The following LRCH3 variants were observed in gnomAD, a reference collection of about 807,000 sequenced individuals.
LRCH3 encodes DISP complex protein LRCH3.
In LRCH3, 68 loss-of-function variants were observed where a neutral mutation model predicts 104.5. The observed-to-expected ratio is 0.65, with a 90% CI of 0.54 to 0.80. LRCH3 has a LOEUF of 0.80. Ranked by LOEUF, LRCH3 falls within the 30% of genes least tolerant of loss-of-function variation. The pLI is 0.00. For missense variants in LRCH3, 951 were observed against 953.9 expected (o/e 1.00, Z 0.04); for synonymous variants, 344 against 361.3 (o/e 0.95, Z 0.54).
chr3:197,868,204 GA>G (rs1553926241), intron 17 of LRCH3, among the ~76,000 whole-genome samples: 3 of 152,102 alleles, frequency 2.0e-5, no homozygotes, highest in Non-Finnish European at 4.4e-5. Context: ...GTCATGGACA[GA>G]AAAATCTTCA....
At chr3:197,871,141 C>G (rs946447603) in intron 18 of LRCH3, among the ~76,000 whole-genome samples, 184 bp from the exon 19 acceptor site, 2 of 151,866 alleles carry the variant, frequency 1.3e-5, no homozygotes, top group African/African-American at 4.8e-5. Context: ...ACCACTATGC[C>G]CTGGCTGCCG....
chr3:197,842,608 C>G (rs1737969077), intron 10 of LRCH3, among the ~76,000 whole-genome samples: 1 of 152,112 alleles, frequency 6.6e-6, no homozygotes, highest in African/African-American at 2.4e-5. Flanking sequence ...CCAACACATA[C>G]ATTTCTTCCC....
chr3:197,847,561 C>T (rs1467749787), intron 11 of LRCH3, 101 bp downstream of exon 11: 1 of 971,052 alleles, frequency 1.0e-6, no homozygotes, highest in Non-Finnish European at 1.6e-6. Flanking sequence ...TATATTTAAG[C>T]ATTACTAGCT....
Position 197,843,248 on chromosome 3 carries a change from C to T in LRCH3, c.1328+3851C>T, listed in dbSNP as rs184504929. The stretch of plus-strand genomic sequence containing the variant: ...ATAAAACCTGGAAGTTTTTTTGTTT[C>T]ATGTTATATAGACACAGCCAGAAAA... On this transcript the variant is annotated intron_variant, in intron 10 of 20. Transcript: ENST00000425562. Among the ~76,000 whole-genome samples the T allele has an allele frequency of 2.0e-3, 310 of 151,948 alleles. 1 individual carries two copies. The highest frequency in any genetic ancestry group is 6.9e-3 in the African/African-American group (288 of 41,498).
chr3:197,807,481 A>G (rs916270917), intron 1 of LRCH3, among the ~76,000 whole-genome samples: 1 of 152,100 alleles, frequency 6.6e-6, no homozygotes, highest in African/African-American at 2.4e-5. Context: ...TTGGCCTCCC[A>G]AAGTGCTGAG....
intron 12 of LRCH3, among the ~76,000 whole-genome samples, chr3:197,851,707 A>G (rs78110111): frequency 0.024 from 3,703 of 152,308 alleles, 80 homozygotes; most frequent in East Asian, 0.06. Context: ...TAATACTAGT[A>G]TGGTAGATGC....
At chr3:197,876,831 CCG>C (rs1437657206) in intron 20 of LRCH3, among the ~76,000 whole-genome samples, 1 of 138,314 alleles carries the variant, frequency 7.2e-6, no homozygotes, top group Non-Finnish European at 1.6e-5. Context: ...ACCCAACTCA[CCG>C]CACCCATGGC....
intron 10 of LRCH3, among the ~76,000 whole-genome samples, chr3:197,842,550 AGCTT>A (rs1359799196): frequency 6.6e-6 from 1 of 152,142 alleles, no homozygotes; most frequent in Non-Finnish European, 1.5e-5. Context: ...TGAAAAGGAA[AGCTT>A]GCTTACCCGT....
In LRCH3 at chr3:197,857,836, A is replaced by G. The variant is rs191667416; in HGVS notation, c.1645-998A>G. 1.5e-3 allele frequency among the ~76,000 whole-genome samples: 236 copies of G among 152,366 alleles called. 1 individual carries two copies. The highest frequency in any genetic ancestry group is 4.9e-3 in the Admixed American group (75 of 15,298). On this transcript the variant is annotated intron_variant, in intron 14 of 20. Coordinates refer to ENST00000425562, the MANE Select transcript of LRCH3 (RefSeq NM_001365715.1). The stretch of plus-strand genomic sequence containing the variant: ...CCTTAAGATAGATTTTGTGATACAT[A>G]TAATACATTGTGTGTTACATGCTGC...
At position 197,879,457 on chromosome 3, in the gene LRCH3, T is replaced by C. The variant is rs184728368; in HGVS notation, c.2208+3682T>C. ...GTCAGGAGATCGAGACCATCCTGGCTAACATGGTGAAACCCCGTCTCTACT... is the reference window on the plus strand; with the variant it reads ...GTCAGGAGATCGAGACCATCCTGGCCAACATGGTGAAACCCCGTCTCTACT... On this transcript the variant is annotated intron_variant, in intron 20 of 20. Coordinates refer to ENST00000425562, the MANE Select transcript of LRCH3 (RefSeq NM_001365715.1). 2.2e-3 allele frequency among the ~76,000 whole-genome samples: 337 copies of C among 150,010 alleles called. 3 individuals are homozygous for C. The highest frequency in any genetic ancestry group is 6.8e-3 in the African/African-American group (270 of 39,850).
intron 4 of LRCH3, among the ~76,000 whole-genome samples, chr3:197,820,666 CA>C (rs776681398): frequency 1.3e-5 from 2 of 152,090 alleles, no homozygotes; most frequent in Non-Finnish European, 2.9e-5. Flanking sequence ...CAAATTAGCC[CA>C]GGGGGCTGGC....
At chr3:197,872,360 GAAA>G (rs56254857) in intron 19 of LRCH3, among the ~76,000 whole-genome samples, 15,451 of 105,566 alleles carry the variant, frequency 0.15, 838 homozygotes, top group African/African-American at 0.21. Context: ...CTGTCTCAAA[GAAA>G]AAAAAAAAAA....
chr3:197,847,172 C>T (rs1414447187), intron 10 of LRCH3, among the ~76,000 whole-genome samples: 2 of 152,158 alleles, frequency 1.3e-5, no homozygotes, highest in African/African-American at 4.8e-5. Flanking sequence ...TATTGGCTGA[C>T]ATAGACAGTT....
chr3:197,809,178 G>A (rs1168412977), intron 1 of LRCH3, among the ~76,000 whole-genome samples: 1 of 151,640 alleles, frequency 6.6e-6, no homozygotes, highest in Non-Finnish European at 1.5e-5. Flanking sequence ...TGTGCCTGTA[G>A]TCCCAGCTCC....
At position 197,839,356 on chromosome 3, in the gene LRCH3, T is replaced by C; in HGVS notation, c.1287T>C (p.Phe429=). 1 of 1,593,520 alleles carries C rather than the reference T, an allele frequency of 6.3e-7. No individual in the cohort carries two copies. Reference sequence around the variant, plus strand: ...TAAAGCCAGTAGCCATTAGGGAGTTTCAAAAAACAGAAGATATGAGAAGAT... The same window carrying C: ...TAAAGCCAGTAGCCATTAGGGAGTTCCAAAAAACAGAAGATATGAGAAGAT... ...SPVKPVAIRE[F]QKTEDMRRYL... Residue 429 remains phenylalanine, a synonymous_variant, in exon 10 of 21, where the codon TTT becomes TTC. Coordinates refer to ENST00000425562, the MANE Select transcript of LRCH3 (RefSeq NM_001365715.1).
intron 16 of LRCH3, 62 bp from the exon 17 acceptor site, chr3:197,866,050 T>A: frequency 8.6e-7 from 1 of 1,167,124 alleles, no homozygotes; most frequent in Non-Finnish European, 1.3e-6. Flanking sequence ...TTTTGTAACT[T>A]GTATGTCTGC....
At chr3:197,851,356 AAGAG>A (rs1739569323) in intron 12 of LRCH3, among the ~76,000 whole-genome samples, 2 of 152,192 alleles carry the variant, frequency 1.3e-5, no homozygotes, top group African/African-American at 4.8e-5. Context: ...AAAACATGAG[AAGAG>A]AGAGACTTCT....
rs544798677 is a variant in LRCH3, at chr3:197,857,087, T to C, written c.1645-1747T>C. On this transcript the variant is annotated intron_variant, in intron 14 of 20. Transcript: ENST00000425562. ...GGGCTACCCCTCAAGCTCCTGTTAA[T>C]ATCAGTTACACTGACATTATCTTTG... Among the ~76,000 whole-genome samples, 3 of 152,052 alleles carry C rather than the reference T, an allele frequency of 2.0e-5. No individual in the cohort carries two copies. In the South Asian group the frequency reaches 6.2e-4, roughly 32 times the overall value.
chr3:197,843,533 A>T (rs572223117), intron 10 of LRCH3, among the ~76,000 whole-genome samples: 23 of 152,260 alleles, frequency 1.5e-4, no homozygotes, highest in African/African-American at 5.5e-4. Flanking sequence ...AAATACAAAA[A>T]ATTAGTTGGG....
Sources: allele counts gnomAD v4.1 joint callset (sites outside exome capture counted in the v4.1 genomes callset), GRCh38; gene constraint gnomAD v4.1.1; transcripts MANE v1.5; gene names NCBI Gene and HGNC (gene_info 2026-07-23, HGNC 2026-07-21).